Variants in TBC1D31 observed in about 807,000 individuals in gnomAD.
The protein encoded by TBC1D31 is WD repeat domain 67.
A neutral mutation model predicts 132.9 loss-of-function variants in TBC1D31; 99 were observed. The ratio of observed to expected loss-of-function variants is 0.74; its 90% CI spans 0.63 to 0.88. TBC1D31 has a LOEUF of 0.88. Ranked by LOEUF, TBC1D31 falls within the 40% of genes least tolerant of loss-of-function variation. The pLI is 0.00. For synonymous variants in TBC1D31, 385 were observed against 419.4 expected (o/e 0.92, Z 1.00); for missense variants, 1,134 against 1,256.6 (o/e 0.90, Z 1.48).
chr8:123,074,689 G>A (rs963027998), intron 1 of TBC1D31, among the ~76,000 whole-genome samples: 9 of 152,170 alleles, frequency 5.9e-5, no homozygotes, highest in African/African-American at 9.7e-5. Context: ...GCTTATCTTT[G>A]TGTTCGTTAA....
chr8:123,160,029 G>C, the TBC1D31 span, among the ~76,000 whole-genome samples: 1 of 152,200 alleles, frequency 6.6e-6, no homozygotes, highest in Non-Finnish European at 1.5e-5. Context: ...TAATGAACTG[G>C]TGTTGATGCT....
chr8:123,118,984 C>G (rs879308340), intron 10 of TBC1D31, among the ~76,000 whole-genome samples: 12 of 152,170 alleles, frequency 7.9e-5, no homozygotes, highest in Non-Finnish European at 1.5e-4. Flanking sequence ...CCTCAACCCC[C>G]CAAAATGTTG....
chr8:123,092,532 G>T (rs539766071), intron 4 of TBC1D31, among the ~76,000 whole-genome samples: 4 of 152,070 alleles, frequency 2.6e-5, no homozygotes, highest in African/African-American at 9.7e-5. Flanking sequence ...AATATCAAAT[G>T]TTGGTGAAAG....
chr8:123,093,869 G>T, intron 5 of TBC1D31, 127 bp downstream of exon 5: 1 of 589,450 alleles, frequency 1.7e-6, no homozygotes, highest in East Asian at 3.3e-5. Flanking sequence ...TTCAAATTTA[G>T]ATATGATCTG....
chr8:123,104,480 A>C (rs1263598245), intron 7 of TBC1D31, among the ~76,000 whole-genome samples: 1 of 152,350 alleles, frequency 6.6e-6, no homozygotes, highest in African/African-American at 2.4e-5. Flanking sequence ...ATCCCATCCC[A>C]TAGATGAATT....
chr8:123,095,019 ATAGTT>A (rs1191733993), intron 5 of TBC1D31, among the ~76,000 whole-genome samples: 2 of 151,774 alleles, frequency 1.3e-5, no homozygotes, highest in Non-Finnish European at 2.9e-5. Context: ...TTTTTTCCTT[ATAGTT>A]TATTCATTAA....
chr8:123,105,448 A>G lies in TBC1D31; in HGVS notation c.1193A>G (p.Asp398Gly), dbSNP rs1203631816. Residue 398 changes from aspartate to glycine, a missense_variant, in exon 8 of 22, where the codon GAT becomes GGT. By Grantham distance (94) the Asp-to-Gly change is moderately conservative. Transcript: ENST00000287380. The stretch of plus-strand genomic sequence containing the variant: ...ATATTAAAACAAGACCTGACTGGTG[A>G]TTTTGAAAGTAAAAAGGTAAGAATA... Reference protein sequence around the residue: ...TRILKQDLTGDFESKKNELPD... With the variant: ...TRILKQDLTGGFESKKNELPD... The G allele has an allele frequency of 1.2e-6, 2 of 1,609,092 alleles. No individual in the cohort carries two copies. The highest frequency in any genetic ancestry group is 1.3e-5 in the African/African-American group (1 of 74,766).
chr8:123,112,793 C>T (rs1302282369), intron 10 of TBC1D31, among the ~76,000 whole-genome samples: 1 of 152,126 alleles, frequency 6.6e-6, no homozygotes, highest in Non-Finnish European at 1.5e-5. Context: ...TTAGAGAAAA[C>T]ATCAGATAAC....
intron 5 of TBC1D31, among the ~76,000 whole-genome samples, chr8:123,097,065 G>C (rs1468386335): frequency 2.0e-5 from 3 of 152,140 alleles, no homozygotes; most frequent in Admixed American, 6.5e-5. Flanking sequence ...AGCTGTCCAT[G>C]CAAGTATTTG....
chr8:123,148,842 G>A (rs1221446624), intron 20 of TBC1D31, among the ~76,000 whole-genome samples: 1 of 152,000 alleles, frequency 6.6e-6, no homozygotes, highest in Admixed American at 6.5e-5. Flanking sequence ...CGACCTGGCC[G>A]ACATGGCCAA....
At chr8:123,161,450 T>C in the TBC1D31 span, among the ~76,000 whole-genome samples, 4 of 152,208 alleles carry the variant, frequency 2.6e-5, no homozygotes, top group Admixed American at 2.6e-4. Flanking sequence ...AGTGCTTCAA[T>C]TGCCCCTCAC....
intron 10 of TBC1D31, among the ~76,000 whole-genome samples, chr8:123,110,906 T>G (rs1458422315): frequency 1.3e-5 from 2 of 152,346 alleles, no homozygotes; most frequent in South Asian, 2.1e-4. Flanking sequence ...GATTAATCTA[T>G]AGACTCTGAT....
intron 4 of TBC1D31, among the ~76,000 whole-genome samples, chr8:123,085,075 C>T (rs774981164): frequency 3.3e-5 from 5 of 152,186 alleles, no homozygotes; most frequent in Non-Finnish European, 2.9e-5. Flanking sequence ...CAGGCATAAG[C>T]CACCATGCCC....
At chr8:123,078,030 G>A (rs1814718201) in intron 2 of TBC1D31, among the ~76,000 whole-genome samples, 1 of 151,834 alleles carries the variant, frequency 6.6e-6, no homozygotes, top group Admixed American at 6.6e-5. Context: ...CTCTAGCCTG[G>A]GCGACAAAGC....
At chr8:123,131,764 T>A (rs35435963) in intron 16 of TBC1D31, among the ~76,000 whole-genome samples, 59 of 79,574 alleles carry the variant, frequency 7.4e-4, no homozygotes, top group African/African-American at 2.8e-3. Context: ...CAGTTTCAGC[T>A]GTTTTAAGTC....
chr8:123,105,182 ACATATTAAGG>A (rs1234875115), intron 7 of TBC1D31, 96 bp from the exon 8 acceptor site: 34 of 762,052 alleles, frequency 4.5e-5, no homozygotes, highest in Non-Finnish European at 6.0e-5. Flanking sequence ...GAATAATTCT[ACATATTAAGG>A]CATGTTATTA....
At chr8:123,083,120 G>A (rs1013207491) in intron 3 of TBC1D31, 3 of 202,744 alleles carry the variant, frequency 1.5e-5, no homozygotes, top group Non-Finnish European at 3.0e-5. Flanking sequence ...ACTAGCCAAA[G>A]GAAGAGAAAC....
At chr8:123,110,887 C>A (rs1243216528) in intron 10 of TBC1D31, among the ~76,000 whole-genome samples, 1 of 152,170 alleles carries the variant, frequency 6.6e-6, no homozygotes, top group African/African-American at 2.4e-5. Context: ...TTGGTTGATA[C>A]CCCACTGAGA....
chr8:123,097,240 C>T (rs774603316), intron 5 of TBC1D31, 42 bp from the exon 6 acceptor site: 7 of 1,609,332 alleles, frequency 4.3e-6, no homozygotes, highest in Non-Finnish European at 5.9e-6. Flanking sequence ...CTGCTACAAA[C>T]AATTGAACCC....
Sources: gnomAD v4.1 joint callset for allele counts (sites outside exome capture counted in the v4.1 genomes callset) on GRCh38, gnomAD v4.1.1 for gene constraint, MANE v1.5 for transcripts, NCBI Gene and HGNC (gene_info 2026-07-23, HGNC 2026-07-21) for gene names.